The following PTPRD variants were observed in gnomAD, a reference collection of about 807,000 sequenced individuals.
The protein encoded by PTPRD is receptor-type tyrosine-protein phosphatase delta.
In PTPRD, 34 loss-of-function variants were observed where a neutral mutation model predicts 214.5. The ratio of observed to expected loss-of-function variants is 0.16; its 90% CI spans 0.12 to 0.21. PTPRD has a LOEUF of 0.21. Among genes scored for constraint, PTPRD ranks in the 10% least tolerant of loss-of-function variants. PTPRD has a pLI of 1.00. For missense variants in PTPRD, 2,545 were observed against 2,398.7 expected, an observed-to-expected ratio of 1.06 and a Z score of -1.27; for synonymous variants, 1,128 against 845.7, an observed-to-expected ratio of 1.33 and a Z score of -5.79.
intron 11 of PTPRD, among the ~76,000 whole-genome samples, chr9:8,744,548 T>C (rs2092559152): frequency 6.6e-6 from 1 of 152,210 alleles, no homozygotes; most frequent in Non-Finnish European, 1.5e-5. Context: ...AGCTCAGGAA[T>C]GGAAAACCAA....
chr9:8,620,810 G>A (rs527521230), intron 14 of PTPRD, among the ~76,000 whole-genome samples: 1 of 152,100 alleles, frequency 6.6e-6, no homozygotes, highest in East Asian at 1.9e-4. Flanking sequence ...ATTAAGCCAT[G>A]GAGGATTGTG....
intron 10 of PTPRD, among the ~76,000 whole-genome samples, chr9:9,115,120 T>C (rs1293464912): frequency 6.6e-6 from 1 of 152,140 alleles, no homozygotes; most frequent in Non-Finnish European, 1.5e-5. Flanking sequence ...AGAATAATTT[T>C]TTACTTTGGT....
intron 10 of PTPRD, among the ~76,000 whole-genome samples, chr9:9,051,633 G>C (rs913826905): frequency 2.6e-5 from 4 of 152,106 alleles, no homozygotes; most frequent in South Asian, 2.1e-4. Flanking sequence ...CATTTAGAAA[G>C]CATTTTTGCA....
chr9:8,543,087 C>T lies in PTPRD; in HGVS notation c.353-14308G>A, dbSNP rs72696606. On this transcript the variant is annotated intron_variant, in intron 14 of 45. Coordinates refer to ENST00000381196, the MANE Select transcript of PTPRD (RefSeq NM_002839.4). ...TAAGAATCTCCTTATAGATAACTCACGGCTGTCACATTTTAATATACAACA... is the reference window on the plus strand; with the variant it reads ...TAAGAATCTCCTTATAGATAACTCATGGCTGTCACATTTTAATATACAACA... Among the ~76,000 whole-genome samples the T allele has an allele frequency of 3.5e-3, 532 of 152,266 alleles. 1 individual carries two copies. Among genetic ancestry groups the T allele is most frequent in the African/African-American group, 4.4e-3 (183 of 41,550 alleles).
intron 7 of PTPRD, among the ~76,000 whole-genome samples, chr9:9,716,164 C>T (rs184067025): frequency 6.6e-6 from 1 of 152,276 alleles, no homozygotes; most frequent in African/African-American, 2.4e-5. Context: ...TCCTCCAAGT[C>T]CCTACAAAGG....
chr9:9,572,103 T>A (rs1401811940), intron 8 of PTPRD, among the ~76,000 whole-genome samples: 2 of 151,420 alleles, frequency 1.3e-5, no homozygotes, highest in Non-Finnish European at 1.5e-5. Flanking sequence ...CTTCTGTTCA[T>A]CAAAATATAT....
chr9:9,370,191 T>C (rs2059070785), intron 9 of PTPRD, among the ~76,000 whole-genome samples: 1 of 152,174 alleles, frequency 6.6e-6, no homozygotes, highest in Admixed American at 6.6e-5. Context: ...AATCTATAAA[T>C]TACTTTGGGC....
intron 3 of PTPRD, among the ~76,000 whole-genome samples, chr9:10,148,945 G>C (rs1172510988): frequency 1.3e-5 from 2 of 152,146 alleles, no homozygotes; most frequent in Non-Finnish European, 2.9e-5. Flanking sequence ...CTGAATAGTA[G>C]CAGAGAGTGT....
At chr9:9,073,947 C>T (rs2099747397) in intron 10 of PTPRD, among the ~76,000 whole-genome samples, 1 of 151,936 alleles carries the variant, frequency 6.6e-6, no homozygotes. Context: ...AGTTTCCCCA[C>T]CTGTAAAATA....
At chr9:10,379,667 AT>A (rs1404134040) in intron 2 of PTPRD, among the ~76,000 whole-genome samples, 1 of 152,054 alleles carries the variant, frequency 6.6e-6, no homozygotes, top group Non-Finnish European at 1.5e-5. Flanking sequence ...CAAAAAGAAT[AT>A]TTCCTTAAAA....
At chr9:10,356,061 A>G (rs1056316452) in intron 2 of PTPRD, among the ~76,000 whole-genome samples, 4 of 151,878 alleles carry the variant, frequency 2.6e-5, no homozygotes, top group Non-Finnish European at 5.9e-5. Flanking sequence ...TTTGATTTCC[A>G]TTTTTGGTTG....
At chr9:10,338,856 GAT>G (rs1284174004) in intron 3 of PTPRD, among the ~76,000 whole-genome samples, 7 of 151,464 alleles carry the variant, frequency 4.6e-5, no homozygotes, top group Non-Finnish European at 1.0e-4. Context: ...AAGCTTAGCA[GAT>G]ATATAGCTTA....
intron 5 of PTPRD, among the ~76,000 whole-genome samples, chr9:9,879,689 G>C (rs533126590): frequency 2.0e-5 from 3 of 152,154 alleles, no homozygotes; most frequent in Non-Finnish European, 2.9e-5. Flanking sequence ...TTGATTTAGA[G>C]AACAGAAGCC....
At chr9:9,397,179 A>C (rs2068208041) in intron 9 of PTPRD, among the ~76,000 whole-genome samples, 1 of 152,026 alleles carries the variant, frequency 6.6e-6, no homozygotes, top group Admixed American at 6.6e-5. Context: ...ACAGGATATT[A>C]CTTTTCTAGT....
intron 8 of PTPRD, among the ~76,000 whole-genome samples, chr9:9,486,915 C>G (rs1268368195): frequency 6.6e-6 from 1 of 152,100 alleles, no homozygotes; most frequent in Admixed American, 6.6e-5. Context: ...GACACTTCAC[C>G]CGCTCTTATC....
intron 11 of PTPRD, among the ~76,000 whole-genome samples, chr9:8,995,657 C>T (rs895006946): frequency 1.3e-5 from 2 of 151,976 alleles, no homozygotes; most frequent in East Asian, 1.9e-4. Flanking sequence ...ATCGGGTTCC[C>T]CTATCATAGA....
intron 12 of PTPRD, among the ~76,000 whole-genome samples, chr9:8,659,824 T>G (rs2154353102): frequency 6.6e-6 from 1 of 152,346 alleles, no homozygotes; most frequent in Admixed American, 6.5e-5. Context: ...CAACGTTCTC[T>G]AAATTATTAG....
chr9:9,069,246 A>T (rs544901405), intron 10 of PTPRD, among the ~76,000 whole-genome samples: 1 of 152,338 alleles, frequency 6.6e-6, no homozygotes, highest in Admixed American at 6.5e-5. Flanking sequence ...TAATTTTTCC[A>T]AAATCGAAAA....
At chr9:9,883,049 T>C (rs1417565889) in intron 5 of PTPRD, among the ~76,000 whole-genome samples, 1 of 152,184 alleles carries the variant, frequency 6.6e-6, no homozygotes, top group Non-Finnish European at 1.5e-5. Flanking sequence ...GATGTTGTCA[T>C]GATGCTTGTA....
Sources: allele counts gnomAD v4.1 joint callset (sites outside exome capture counted in the v4.1 genomes callset), GRCh38; gene constraint gnomAD v4.1.1; transcripts MANE v1.5; gene names NCBI Gene and HGNC (gene_info 2026-07-23, HGNC 2026-07-21).